Variants in FCRL1 observed in about 807,000 individuals in gnomAD.
The protein encoded by FCRL1 is Fc receptor-like protein 1.
A neutral mutation model predicts 49.2 loss-of-function variants in FCRL1; 34 were observed. The observed-to-expected ratio is 0.69, with a 90% confidence interval of 0.53 to 0.92. The LOEUF (loss-of-function observed/expected upper bound fraction) is 0.92, where lower values mean the gene tolerates loss of function less well. Ranked by LOEUF, FCRL1 falls within the 40% of genes least tolerant of loss-of-function variation. The probability of loss-of-function intolerance (pLI) is 0.00; values close to 1 mark genes in which losing one functional copy is unlikely to be tolerated. For missense variants in FCRL1, 524 were observed against 524.1 expected, an observed-to-expected ratio of 1.00 and a Z score of 0.00; for synonymous variants, 218 against 201.6, an observed-to-expected ratio of 1.08 and a Z score of -0.69.
intron 4 of FCRL1, 83 bp from the exon 5 acceptor site, chr1:157,802,276 T>C (rs565834133): frequency 3.6e-5 from 57 of 1,575,986 alleles, no homozygotes; most frequent in African/African-American, 1.2e-4. Context: ...CTCAGCCCCA[T>C]TGAACTTCCT....
chr1:157,812,417 C>T (rs188802934), intron 1 of FCRL1, among the ~76,000 whole-genome samples: 221 of 152,262 alleles, frequency 1.5e-3, no homozygotes, highest in Non-Finnish European at 2.3e-3. Flanking sequence ...CTCCAGGGTC[C>T]AGAGTCACCA....
rs188151037 is a variant in FCRL1, at chr1:157,810,377, A to G, written c.32-3255T>C. The stretch of plus-strand genomic sequence containing the variant: ...AGTGGCATGATCTTGGCTCATTGCA[A>G]CCTCTACCTCACAAGTTCATGCAAT... On this transcript the variant is annotated intron_variant, in intron 1 of 10. Coordinates refer to ENST00000368176, the MANE Select transcript of FCRL1 (RefSeq NM_052938.5). Among the ~76,000 whole-genome samples, 218 of 151,462 alleles carry G rather than the reference A, an allele frequency of 1.4e-3. 2 individuals carry two copies. The South Asian group carries it at 0.027, about 19-fold the overall frequency.
intron 1 of FCRL1, among the ~76,000 whole-genome samples, chr1:157,807,683 C>CA (rs1653696281): frequency 6.6e-6 from 1 of 152,166 alleles, no homozygotes; most frequent in Non-Finnish European, 1.5e-5. Context: ...AAAAGGAATT[C>CA]AAATTTCTCC....
At chr1:157,818,015 T>C (rs1475163407) in intron 1 of FCRL1, among the ~76,000 whole-genome samples, 2 of 152,086 alleles carry the variant, frequency 1.3e-5, no homozygotes, top group Non-Finnish European at 2.9e-5. Context: ...ACTAGTATTG[T>C]CAAAGATGTC....
intron 5 of FCRL1, 131 bp downstream of exon 5, chr1:157,801,784 C>T (rs1192152869): frequency 2.5e-5 from 28 of 1,118,212 alleles, no homozygotes; most frequent in Non-Finnish European, 6.4e-6. Context: ...ATACATCACT[C>T]ATGACAGCAC....
intron 6 of FCRL1, 132 bp downstream of exon 6, chr1:157,801,329 C>T: frequency 1.4e-6 from 1 of 693,142 alleles, no homozygotes; most frequent in South Asian, 1.7e-5. Flanking sequence ...TACCCGCTGG[C>T]TTTGTGGGCA....
rs376862410 is a variant in FCRL1 at position 157,803,947 on chromosome 1, T to C, written c.217A>G (p.Ile73Val). ...GTGTCTTCTTTCCACATGGCAGCGA[T>C]CTGGAGCTTGGGGGAGCTGCTCCAG... ...PGWSSSPKLQ[I>V]AAMWKEDTGS... Residue 73 changes from isoleucine to valine, a missense_variant, in exon 3 of 11, where the codon ATC becomes GTC. Ile to Val is a conservative substitution (Grantham distance 29). Transcript: ENST00000368176. 1.2e-6 allele frequency: 2 copies of C among 1,614,190 alleles called. No individual in the cohort carries two copies. The highest frequency in any genetic ancestry group is 1.7e-6 in the Non-Finnish European group (2 of 1,180,032).
Position 157,797,892 on chromosome 1 carries a change from GGTTATA to G in FCRL1, c.1156_1161del (p.Tyr386_Asn387del). 1 of 1,614,172 alleles carries G rather than the reference GGTTATA, an allele frequency of 6.2e-7. No homozygotes were observed. Among genetic ancestry groups the G allele is most frequent in the South Asian group, 1.1e-5 (1 of 91,078 alleles). On this transcript the variant is annotated inframe_deletion, in exon 9 of 11. Coordinates refer to ENST00000368176, the MANE Select transcript of FCRL1 (RefSeq NM_052938.5). ...CCTGCTACTGATTCCTGCTCCGGCT[GGTTATA>G]GTACGCCAGTGAATAAACCTCATCC... is the stretch of plus-strand genomic sequence containing the variant.
chr1:157,813,402 T>G (rs1272157663), intron 1 of FCRL1, among the ~76,000 whole-genome samples: 1 of 152,104 alleles, frequency 6.6e-6, no homozygotes, highest in East Asian at 1.9e-4. Flanking sequence ...ATAGATATCA[T>G]GAAAATAATC....
intron 8 of FCRL1, 107 bp downstream of exon 8, chr1:157,798,054 A>G: frequency 6.7e-7 from 1 of 1,499,990 alleles, no homozygotes; most frequent in South Asian, 1.1e-5. Context: ...TGTTTGTAGC[A>G]GAGGCTAGGG....
In FCRL1 at chr1:157,795,369, AT is replaced by A. The variant is rs1651321519; in HGVS notation, c.*729del. ...GACCCTGTCTCAATTTAAAAAAAAAATAATTAAGATACAGGTTTCAAACCAT... is the reference window on the plus strand; with the variant it reads ...GACCCTGTCTCAATTTAAAAAAAAAAAATTAAGATACAGGTTTCAAACCAT... On this transcript the variant is annotated 3_prime_UTR_variant, in exon 11 of 11. Transcript: ENST00000368176. 6.6e-6 allele frequency: 1 copy of A among 152,288 alleles called. No homozygotes were observed. The highest frequency in any genetic ancestry group is 2.4e-5 in the African/African-American group (1 of 41,572). The allele number at this position is 152,288 out of a possible 1,614,324, so 9.4% of individuals were successfully genotyped here.
intron 7 of FCRL1, 62 bp downstream of exon 7, chr1:157,799,995 TA>T: frequency 6.6e-7 from 1 of 1,504,670 alleles, no homozygotes; most frequent in Non-Finnish European, 9.1e-7. Context: ...AGAACAAATC[TA>T]AATCTATTTT....
intron 6 of FCRL1, among the ~76,000 whole-genome samples, chr1:157,800,441 A>C (rs536486136): frequency 6.6e-6 from 1 of 152,336 alleles, no homozygotes; most frequent in South Asian, 2.1e-4. Context: ...TGCCACAAGC[A>C]TGATATAGAC....
intron 2 of FCRL1, 32 bp from the exon 3 acceptor site, chr1:157,804,143 T>C (rs1194457038): frequency 2.5e-6 from 4 of 1,603,864 alleles, no homozygotes; most frequent in East Asian, 2.2e-5. Context: ...AAATGATTAA[T>C]GCGGTTCGGA....
At chr1:157,815,254 C>T (rs1654871691) in intron 1 of FCRL1, among the ~76,000 whole-genome samples, 5 of 151,852 alleles carry the variant, frequency 3.3e-5, no homozygotes, top group Admixed American at 3.3e-4. Context: ...TATGAAGTCT[C>T]TTCTGACCAC....
chr1:157,804,823 G>A (rs1278900644), intron 2 of FCRL1, among the ~76,000 whole-genome samples: 1 of 151,048 alleles, frequency 6.6e-6, no homozygotes, highest in Admixed American at 6.6e-5. Flanking sequence ...TCAGGGATGT[G>A]TCCCTTTGGG....
In FCRL1 at chr1:157,804,250, C is replaced by A. The variant is rs115665048; in HGVS notation, c.53-139G>T. The A allele has an allele frequency of 0.015, 14,838 of 977,216 alleles. 1,491 individuals carry two copies. The African/African-American group carries it at 0.22, about 14-fold the overall frequency. 60.5% of individuals were successfully genotyped at this position (977,216 alleles called of 1,614,324 possible). On this transcript the variant is annotated intron_variant, in intron 2 of 10. Transcript: ENST00000368176. ...CAGGCCACCCTACATGTCTCCACCC[C>A]CCCCCCAGTGGCCCATGGGCTTTCC...
intron 1 of FCRL1, among the ~76,000 whole-genome samples, chr1:157,807,516 A>G (rs1163188523): frequency 6.6e-6 from 1 of 152,078 alleles, no homozygotes; most frequent in Non-Finnish European, 1.5e-5. Context: ...CCTCATTCCC[A>G]TTCCCACCGC....
intron 1 of FCRL1, among the ~76,000 whole-genome samples, chr1:157,809,723 G>A (rs1050919667): frequency 6.6e-6 from 1 of 152,110 alleles, no homozygotes; most frequent in African/African-American, 2.4e-5. Context: ...GCCTCCCAAA[G>A]TCCTGGGATT....
Sources: allele counts gnomAD v4.1 joint callset (sites outside exome capture counted in the v4.1 genomes callset), GRCh38; gene constraint gnomAD v4.1.1; transcripts MANE v1.5; gene names NCBI Gene and HGNC (gene_info 2026-07-23, HGNC 2026-07-21).